The following BSN variants were observed in gnomAD, a reference collection of about 807,000 sequenced individuals.
BSN encodes protein bassoon.
BSN carries 57 observed loss-of-function variants against 264.8 expected under a neutral mutation model. The ratio of observed to expected loss-of-function variants is 0.22; its 90% CI spans 0.17 to 0.27. BSN has a LOEUF of 0.27. BSN is among the 10% of genes least tolerant of loss of function. The pLI is 1.00. For missense variants in BSN, 4,615 were observed against 5,232.5 expected (o/e 0.88, Z 3.64); for synonymous variants, 2,059 against 2,137.3 (o/e 0.96, Z 1.01).
chr3:49,668,811 G>A lies in BSN; in HGVS notation c.*1326G>A, dbSNP rs576099302. On this transcript the variant is annotated 3_prime_UTR_variant, in exon 12 of 12. Coordinates refer to ENST00000296452, the MANE Select transcript of BSN (RefSeq NM_003458.4). ...CCCTTGGGGGCCTCCTTTCATCTGG[G>A]GCACAGCCACAAGTCTCATCTCTAA... The A allele has an allele frequency of 6.5e-6, 1 of 152,688 alleles. No individual in the cohort carries two copies. Among genetic ancestry groups the A allele is most frequent in the Non-Finnish European group, 1.5e-5 (1 of 68,020 alleles). The allele number at this position is 152,688 out of a possible 1,614,324, so 9.5% of individuals were successfully genotyped here.
chr3:49,577,596 G>A (rs1575427591), intron 1 of BSN, among the ~76,000 whole-genome samples: 1 of 150,354 alleles, frequency 6.7e-6, no homozygotes, highest in African/African-American at 2.5e-5. Context: ...CTGGAGCTCA[G>A]TGGCATGATC....
intron 1 of BSN, among the ~76,000 whole-genome samples, chr3:49,573,011 T>C (rs1202327387): frequency 6.6e-6 from 1 of 152,216 alleles, no homozygotes; most frequent in Admixed American, 6.5e-5. Flanking sequence ...TGGAGACTTC[T>C]CCACTCCGTC....
chr3:49,612,513 G>C (rs1465367076), intron 1 of BSN, among the ~76,000 whole-genome samples: 1 of 152,178 alleles, frequency 6.6e-6, no homozygotes, highest in Non-Finnish European at 1.5e-5. Flanking sequence ...TCAGAGTCCA[G>C]AGGGCCAAAA....
intron 1 of BSN, among the ~76,000 whole-genome samples, chr3:49,584,076 G>A (rs575858129): frequency 6.6e-5 from 10 of 151,796 alleles, no homozygotes; most frequent in South Asian, 6.3e-4. Context: ...TAGTAGAGAC[G>A]GGGTTTCACC....
At chr3:49,567,499 C>G (rs1318320258) in intron 1 of BSN, among the ~76,000 whole-genome samples, 2 of 152,234 alleles carry the variant, frequency 1.3e-5, no homozygotes, top group African/African-American at 4.8e-5. Flanking sequence ...GGGTCCAGGT[C>G]AGATCAGTGT....
intron 2 of BSN, among the ~76,000 whole-genome samples, chr3:49,630,165 C>T (rs2108061947): frequency 6.6e-6 from 1 of 152,388 alleles, no homozygotes; most frequent in Non-Finnish European, 1.5e-5. Flanking sequence ...CTACTCCCTC[C>T]TGGCCACACT....
chr3:49,611,667 C>T (rs1251418672), intron 1 of BSN, among the ~76,000 whole-genome samples: 1 of 152,218 alleles, frequency 6.6e-6, no homozygotes, highest in Non-Finnish European at 1.5e-5. Context: ...CATGGAGATA[C>T]CTGGTTGGCC....
intron 1 of BSN, among the ~76,000 whole-genome samples, chr3:49,582,795 T>C (rs1485954767): frequency 6.6e-6 from 1 of 152,134 alleles, no homozygotes; most frequent in Admixed American, 6.6e-5. Context: ...TCATAAATAG[T>C]CCTTATCATA....
intron 1 of BSN, among the ~76,000 whole-genome samples, chr3:49,605,442 ATATAT>A (rs2052109286): frequency 3.2e-5 from 1 of 31,010 alleles, no homozygotes; most frequent in Non-Finnish European, 5.1e-5. Context: ...TATATATTAT[ATATAT>A]TATATAATAT....
At chr3:49,588,737 CA>C (rs1156872288) in intron 1 of BSN, among the ~76,000 whole-genome samples, 1 of 152,126 alleles carries the variant, frequency 6.6e-6, no homozygotes, top group African/African-American at 2.4e-5. Flanking sequence ...GTGAATTCTG[CA>C]AATTTATTTC....
intron 1 of BSN, among the ~76,000 whole-genome samples, chr3:49,622,628 ATGT>A (rs1368220801): frequency 3.9e-5 from 6 of 152,246 alleles, no homozygotes; most frequent in Non-Finnish European, 7.3e-5. Flanking sequence ...GCCCATTCAC[ATGT>A]TGTAAAAAGC....
At chr3:49,601,199 G>A (rs2052070615) in intron 1 of BSN, among the ~76,000 whole-genome samples, 1 of 152,198 alleles carries the variant, frequency 6.6e-6, no homozygotes, top group South Asian at 2.1e-4. Flanking sequence ...GGCAAGTAGG[G>A]AGTGCCCTGG....
chr3:49,665,924 G>T lies in BSN; in HGVS notation c.*104+606G>T, dbSNP rs539961233. Among the ~76,000 whole-genome samples the T allele has an allele frequency of 2.0e-5, 3 of 152,380 alleles. No individual in the cohort carries two copies. The South Asian group carries it at 6.2e-4, about 32-fold the overall frequency. On this transcript the variant is annotated intron_variant, in intron 11 of 11. Transcript: ENST00000296452. ...TGGGAGCCCTCACCCTGTCTGGGCT[G>T]CAGTGGCCAAGGCAGGTTGGGACAC... is the stretch of plus-strand genomic sequence containing the variant.
At chr3:49,617,173 C>T (rs926309350) in intron 1 of BSN, among the ~76,000 whole-genome samples, 9 of 151,872 alleles carry the variant, frequency 5.9e-5, no homozygotes, top group South Asian at 2.1e-4. Flanking sequence ...ACCTAGATGA[C>T]GGGTTAATAG....
chr3:49,596,080 T>TG (rs965382538), intron 1 of BSN, among the ~76,000 whole-genome samples: 10 of 152,160 alleles, frequency 6.6e-5, no homozygotes, highest in African/African-American at 2.4e-4. Flanking sequence ...CACAGTTTTA[T>TG]GGGGAAAGCA....
In BSN at chr3:49,663,480, C is replaced by T. The variant is rs1489395879; in HGVS notation, c.11322C>T (p.Arg3774=). 1 of 1,613,148 alleles carries T rather than the reference C, an allele frequency of 6.2e-7. No homozygotes were observed. Among genetic ancestry groups the T allele is most frequent in the Admixed American group, 1.7e-5 (1 of 60,026 alleles). ...SRQIPSGAAS[R]QPQTQQQQQG... ...AAATACCCTCTGGGGCAGCATCACG[C>T]CAGCCACAGACACAGCAGCAGCAGC... The change falls in exon 7 of 12, where the codon CGC becomes CGT. Residue 3774 remains arginine, a synonymous_variant. Coordinates refer to ENST00000296452, the MANE Select transcript of BSN (RefSeq NM_003458.4).
At chr3:49,592,037 A>G (rs916439322) in intron 1 of BSN, among the ~76,000 whole-genome samples, 1 of 152,132 alleles carries the variant, frequency 6.6e-6, no homozygotes, top group Admixed American at 6.5e-5. Flanking sequence ...TGACAAACCA[A>G]TGGGATAGGA....
rs1198564294 is a variant in BSN at position 49,642,445 on chromosome 3, G to A, written c.811G>A (p.Gly271Arg). ...CCAAGAGAGATCTCGGGGCCCAGGA[G>A]GACCACAGCCTGGGTCCCGCCAGGC... ...PDQERSRGPG[G>R]PQPGSRQAET... Residue 271 changes from glycine to arginine, a missense_variant, in exon 3 of 12, where the codon GGA (glycine) becomes AGA (arginine). Transcript: ENST00000296452. This position sits in a 1 kb window ranked among gnomAD's most constrained non-coding sequence, Gnocchi z 7.0. The A allele has an allele frequency of 1.3e-6, 2 of 1,596,716 alleles. No individual in the cohort carries two copies. The highest frequency in any genetic ancestry group is 8.5e-7 in the Non-Finnish European group (1 of 1,172,262).
At chr3:49,604,233 T>A (rs2052093699) in intron 1 of BSN, among the ~76,000 whole-genome samples, 1 of 152,018 alleles carries the variant, frequency 6.6e-6, no homozygotes, top group Non-Finnish European at 1.5e-5. Flanking sequence ...TCAAAATGTG[T>A]CATTTTAACC....
Sources: allele counts gnomAD v4.1 joint callset (sites outside exome capture counted in the v4.1 genomes callset), GRCh38; gene constraint gnomAD v4.1.1; non-coding constraint Gnocchi (gnomAD v3.1); transcripts MANE v1.5; gene names NCBI Gene and HGNC (gene_info 2026-07-23, HGNC 2026-07-21).